SOS2: variants seen among roughly 807,000 people sequenced by gnomAD.
SOS2 encodes the protein SOS Ras/Rho guanine nucleotide exchange factor 2.
Under a neutral mutation model 148.2 loss-of-function variants are expected in SOS2, and 65 were observed. The ratio of observed to expected loss-of-function variants is 0.44; its 90% CI spans 0.36 to 0.54. SOS2 has a LOEUF of 0.54. Among genes scored for constraint, SOS2 ranks in the 20% least tolerant of loss-of-function variants. SOS2 has a pLI of 0.00. For synonymous variants in SOS2, 539 were observed against 537.1 expected (o/e 1.00, Z -0.05); for missense variants, 1,341 against 1,590.2 (o/e 0.84, Z 2.67).
chr14:50,230,794 C>A (rs1887515663), intron 1 of SOS2: 1 of 641,784 alleles, frequency 1.6e-6, no homozygotes, highest in South Asian at 6.9e-5. Context: ...AGCAAACCGC[C>A]TAGGGGGAAC....
chr14:50,172,709 A>G (rs1164978434), intron 8 of SOS2, among the ~76,000 whole-genome samples: 1 of 151,988 alleles, frequency 6.6e-6, no homozygotes, highest in Non-Finnish European at 1.5e-5. Context: ...ACTACTACCT[A>G]GTAATAAAGA....
chr14:50,166,534 G>A (rs1241559209), intron 8 of SOS2, among the ~76,000 whole-genome samples: 1 of 152,070 alleles, frequency 6.6e-6, no homozygotes, highest in Non-Finnish European at 1.5e-5. Flanking sequence ...TAGCTTTAAT[G>A]GGTAATATCT....
At position 50,118,177 on chromosome 14, in the gene SOS2, C is replaced by T; in HGVS notation, c.*167G>A. On this transcript the variant is annotated 3_prime_UTR_variant, in exon 23 of 23. Coordinates refer to ENST00000216373, the MANE Select transcript of SOS2 (RefSeq NM_006939.4). The stretch of plus-strand genomic sequence containing the variant: ...ATCACCTGAGGATAATGGTGAAGGA[C>T]TTTTGTATTTTTATTTTTCCAATTC... 1 of 642,234 alleles carries T rather than the reference C, an allele frequency of 1.6e-6. No individual in the cohort carries two copies. Among genetic ancestry groups the T allele is most frequent in the Non-Finnish European group, 2.6e-6 (1 of 382,266 alleles). The allele number at this position is 642,234 out of a possible 1,614,324, so 39.8% of individuals were successfully genotyped here. A position where few individuals can be genotyped will look rare whatever the true frequency, so the allele number is the denominator to read the frequency against.
chr14:50,153,349 C>A (rs541199020), intron 12 of SOS2, among the ~76,000 whole-genome samples, 176 bp from the exon 13 acceptor site: 41 of 152,172 alleles, frequency 2.7e-4, no homozygotes, highest in African/African-American at 9.6e-4. Context: ...GAGAGTAGGT[C>A]TCCAAACGGT....
chr14:50,227,981 C>T (rs2144575), intron 1 of SOS2, among the ~76,000 whole-genome samples: 40,868 of 151,736 alleles, frequency 0.27, 6,270 homozygotes, highest in East Asian at 0.48. Context: ...TTAATTTCTA[C>T]TGACTATTTT....
intron 21 of SOS2, among the ~76,000 whole-genome samples, chr14:50,122,391 C>CTTTTTTTTTT (rs71118839): frequency 3.4e-5 from 3 of 88,308 alleles, no homozygotes; most frequent in Admixed American, 1.6e-4. Context: ...GAACCCTGGG[C>CTTTTTTTTTT]TTTTTTTTTT....
At chr14:50,180,812 C>A in intron 6 of SOS2, 130 bp from the exon 7 acceptor site, 1 of 520,792 alleles carries the variant, frequency 1.9e-6, no homozygotes, top group Non-Finnish European at 3.4e-6. Context: ...CACTATATTC[C>A]AGCTCGAGCA....
chr14:50,135,331 TTG>T (rs1437344594), intron 18 of SOS2, among the ~76,000 whole-genome samples: 1 of 151,314 alleles, frequency 6.6e-6, no homozygotes, highest in Non-Finnish European at 1.5e-5. Flanking sequence ...TTTAAAATTT[TTG>T]TCTTTATCAA....
Position 50,180,698 on chromosome 14 carries a change from G to A in SOS2, c.859-16C>T. 1 of 1,375,352 alleles carries A rather than the reference G, an allele frequency of 7.3e-7. No individual in the cohort carries two copies. Among genetic ancestry groups the A allele is most frequent in the Non-Finnish European group, 1.0e-6 (1 of 979,084 alleles). The allele number at this position is 1,375,352 out of a possible 1,614,324, so 85.2% of individuals were successfully genotyped here. On this transcript the variant is annotated splice_polypyrimidine_tract_variant and intron_variant, in intron 6 of 22. Transcript: ENST00000216373. ...ATGCTTGCTCCTATTTTTTTAAAAA[G>A]AGAAAAAGCATTAGGTTTAAAAGAA...
chr14:50,146,634 G>A (rs1884483341), intron 14 of SOS2, among the ~76,000 whole-genome samples: 2 of 152,106 alleles, frequency 1.3e-5, no homozygotes, highest in South Asian at 4.1e-4. Flanking sequence ...GCAACAGAGT[G>A]AGACTCTGTC....
chr14:50,193,043 T>C (rs1041461150), intron 4 of SOS2, among the ~76,000 whole-genome samples: 3 of 151,996 alleles, frequency 2.0e-5, no homozygotes, highest in Non-Finnish European at 4.4e-5. Flanking sequence ...GGCACAATAA[T>C]AGCTCACTAT....
At chr14:50,189,966 A>G (rs912100790) in intron 4 of SOS2, among the ~76,000 whole-genome samples, 1 of 151,682 alleles carries the variant, frequency 6.6e-6, no homozygotes, top group Non-Finnish European at 1.5e-5. Flanking sequence ...CTCCTGCCTC[A>G]GCCTCCTGAG....
At chr14:50,185,678 C>T (rs1027263712) in intron 5 of SOS2, among the ~76,000 whole-genome samples, 24 of 135,138 alleles carry the variant, frequency 1.8e-4, no homozygotes, top group Middle Eastern at 4.1e-3. Context: ...GATGACAGAG[C>T]AAGACTCTGT....
At chr14:50,143,922 G>A (rs1467858719) in intron 16 of SOS2, among the ~76,000 whole-genome samples, 1 of 150,286 alleles carries the variant, frequency 6.7e-6, no homozygotes, top group Admixed American at 6.7e-5. Flanking sequence ...GCCTCCCAAA[G>A]TGTTGGGATT....
intron 16 of SOS2, among the ~76,000 whole-genome samples, chr14:50,144,314 C>A (rs1884390322): frequency 6.6e-6 from 1 of 151,966 alleles, no homozygotes; most frequent in African/African-American, 2.4e-5. Flanking sequence ...CCATAAAAAT[C>A]TATGCACAAT....
intron 4 of SOS2, among the ~76,000 whole-genome samples, chr14:50,189,829 G>C (rs756231582): frequency 3.4e-5 from 5 of 147,702 alleles, no homozygotes; most frequent in Non-Finnish European, 7.4e-5. Context: ...GAAAAAGAAA[G>C]TTGACTATAC....
intron 21 of SOS2, among the ~76,000 whole-genome samples, chr14:50,122,080 A>G (rs941613773): frequency 5.3e-5 from 8 of 152,188 alleles, no homozygotes; most frequent in Admixed American, 1.3e-4. Context: ...CCTAATTGGT[A>G]TAAATCAATC....
intron 6 of SOS2, among the ~76,000 whole-genome samples, chr14:50,181,023 T>C (rs1034090466): frequency 1.3e-5 from 2 of 151,442 alleles, no homozygotes; most frequent in African/African-American, 2.4e-5. Flanking sequence ...AGGGAAAGGG[T>C]GAAGAAAGAA....
At chr14:50,149,657 A>G (rs991850449) in intron 14 of SOS2, among the ~76,000 whole-genome samples, 1 of 152,216 alleles carries the variant, frequency 6.6e-6, no homozygotes, top group African/African-American at 2.4e-5. Flanking sequence ...CCCATCTCAC[A>G]CAATATTCTA....
Sources: allele counts gnomAD v4.1 joint callset (sites outside exome capture counted in the v4.1 genomes callset), GRCh38; gene constraint gnomAD v4.1.1; transcripts MANE v1.5; gene names NCBI Gene and HGNC (gene_info 2026-07-23, HGNC 2026-07-21).